Variants in PIK3C3 observed in about 807,000 individuals in gnomAD.
PIK3C3 encodes phosphatidylinositol 3-kinase catalytic subunit type 3.
Under a neutral mutation model 126.1 loss-of-function variants are expected in PIK3C3, and 95 were observed. That is an observed-to-expected ratio of 0.75 (90% confidence interval 0.64 to 0.89). The LOEUF (loss-of-function observed/expected upper bound fraction) is 0.89. PIK3C3 is among the 40% of genes least tolerant of loss of function. The pLI is 0.00. For missense variants in PIK3C3, 829 were observed against 1,063.2 expected (o/e 0.78, Z 3.06); for synonymous variants, 374 against 360.0 (o/e 1.04, Z -0.44).
intron 9 of PIK3C3, among the ~76,000 whole-genome samples, chr18:42,000,063 T>A (rs1982211323): frequency 6.6e-6 from 1 of 152,192 alleles, no homozygotes; most frequent in Admixed American, 6.5e-5. Context: ...CTTCTCTTTT[T>A]TTCTTTGGAG....
intron 9 of PIK3C3, among the ~76,000 whole-genome samples, chr18:42,000,949 A>G (rs947381143): frequency 1.3e-5 from 2 of 152,200 alleles, no homozygotes; most frequent in African/African-American, 4.8e-5. Flanking sequence ...ATATATCGCA[A>G]GTGGGAAGAA....
chr18:42,071,875 T>C (rs1823272761), intron 24 of PIK3C3, among the ~76,000 whole-genome samples: 1 of 152,184 alleles, frequency 6.6e-6, no homozygotes, highest in Non-Finnish European at 1.5e-5. Flanking sequence ...TCCTTAAATA[T>C]ATAATTTGTG....
intron 12 of PIK3C3, among the ~76,000 whole-genome samples, chr18:42,017,151 C>T (rs1035237144): frequency 3.9e-5 from 6 of 152,002 alleles, no homozygotes; most frequent in African/African-American, 1.4e-4. Flanking sequence ...CCCCTATTCC[C>T]ATAGAGTGTA....
intron 9 of PIK3C3, 100 bp downstream of exon 9, chr18:41,996,830 TAAAGA>T: frequency 1.5e-6 from 1 of 670,294 alleles, no homozygotes; most frequent in Non-Finnish European, 2.6e-6. Context: ...ATTGTCACTT[TAAAGA>T]AAAGTTACAG....
intron 21 of PIK3C3, among the ~76,000 whole-genome samples, chr18:42,051,915 G>A (rs1426770326): frequency 6.6e-6 from 1 of 151,704 alleles, no homozygotes; most frequent in African/African-American, 2.4e-5. Flanking sequence ...CATGGCACAT[G>A]TATACATATG....
At position 42,015,494 on chromosome 18, in the gene PIK3C3, C is replaced by T. The variant is rs139294855; in HGVS notation, c.1344C>T (p.Ser448=). The change falls in exon 12 of 25, where the codon AGC becomes AGT. Residue 448 remains serine (S), a synonymous_variant. Transcript: ENST00000262039. ...AEIDSSQIIT[S]PLPSVSSPPP... is the part of the protein sequence containing the mutation. Reference sequence around the variant, plus strand: ...TTTTCAGCTCCCAAATTATAACCAGCCCCCTTCCTTCAGTCTCTTCACCTC... The same window carrying T: ...TTTTCAGCTCCCAAATTATAACCAGTCCCCTTCCTTCAGTCTCTTCACCTC... The T allele has an allele frequency of 2.5e-6, 4 of 1,613,264 alleles. No individual in the cohort carries two copies. The highest frequency in any genetic ancestry group is 3.3e-5 in the Admixed American group (2 of 59,956).
At chr18:42,067,184 A>T (rs191511277) in intron 23 of PIK3C3, among the ~76,000 whole-genome samples, 1 of 152,300 alleles carries the variant, frequency 6.6e-6, no homozygotes, top group East Asian at 1.9e-4. Flanking sequence ...CAACAAGAAC[A>T]AGGTGATATA....
chr18:42,057,645 A>G (rs1985130733), intron 21 of PIK3C3: 2 of 440,144 alleles, frequency 4.5e-6, no homozygotes, highest in African/African-American at 2.1e-5. Flanking sequence ...TTAGATTACC[A>G]TTACTGTGAC....
intron 4 of PIK3C3, among the ~76,000 whole-genome samples, chr18:41,978,862 A>AC (rs1008203649): frequency 6.6e-6 from 1 of 151,746 alleles, no homozygotes; most frequent in East Asian, 1.9e-4. Context: ...ATTGAAACTT[A>AC]CCCCCCAGAA....
In PIK3C3 at chr18:42,043,805, G is replaced by T. The variant is rs141681761; in HGVS notation, c.2176G>T (p.Val726Phe). The part of the protein sequence containing the change: ...GISAEVMDTY[V>F]KSCAGYCVIT... The stretch of plus-strand genomic sequence containing the variant: ...TAGTGCTGAGGTCATGGACACTTAC[G>T]TTAAAAGCTGTGGTAAGTTTTTCAG... Residue 726 changes from valine to phenylalanine, a missense_variant, in exon 20 of 25, where the codon GTT (valine) becomes TTT (phenylalanine). By Grantham distance (50) the Val-to-Phe change is conservative. Transcript: ENST00000262039. 1 of 1,610,832 alleles carries T rather than the reference G, an allele frequency of 6.2e-7. No individual in the cohort carries two copies. Among genetic ancestry groups the T allele is most frequent in the South Asian group, 1.1e-5 (1 of 90,946 alleles).
intron 10 of PIK3C3, among the ~76,000 whole-genome samples, chr18:42,010,557 G>C (rs773423623): frequency 2.5e-4 from 38 of 152,080 alleles, no homozygotes; most frequent in African/African-American, 6.5e-4. Flanking sequence ...GTAGAGACAG[G>C]GTTTCGCCAT....
intron 13 of PIK3C3, among the ~76,000 whole-genome samples, chr18:42,022,130 C>G (rs915615658): frequency 6.6e-6 from 1 of 152,128 alleles, no homozygotes; most frequent in Non-Finnish European, 1.5e-5. Context: ...AATTGGAGCA[C>G]TCTTTTTCCT....
intron 24 of PIK3C3, among the ~76,000 whole-genome samples, chr18:42,068,371 T>C (rs189866050): frequency 8.3e-4 from 126 of 152,322 alleles, no homozygotes; most frequent in African/African-American, 2.7e-3. Flanking sequence ...ACTCTCTTTC[T>C]CTAAATATTT....
In PIK3C3 at chr18:41,990,442, A is replaced by G. The variant is rs1981718564; in HGVS notation, c.619-17A>G. ...TTGAAAATAATCATTTTTCATGAAA[A>G]TCATTTTTTTTTTCAGAGTGAAAAA... On this transcript the variant is annotated splice_polypyrimidine_tract_variant and intron_variant, in intron 5 of 24. Coordinates refer to ENST00000262039, the MANE Select transcript of PIK3C3 (RefSeq NM_002647.4). 1.4e-6 allele frequency: 2 copies of G among 1,401,274 alleles called. No homozygotes were observed. Among genetic ancestry groups the G allele is most frequent in the African/African-American group, 1.4e-5 (1 of 70,540 alleles). 86.8% of individuals were successfully genotyped at this position (1,401,274 alleles called of 1,614,324 possible).
In PIK3C3 at chr18:42,079,114, A is replaced by G. The variant is rs182837395; in HGVS notation, c.2650-2009A>G. ...ATGCGAGAGTCTTAACTTTTGGCCT[A>G]TCTGAGCTTTTGATATGCCTTTCTC... On this transcript the variant is annotated intron_variant, in intron 24 of 24. Coordinates refer to ENST00000262039, the MANE Select transcript of PIK3C3 (RefSeq NM_002647.4). 1.7e-3 allele frequency among the ~76,000 whole-genome samples: 263 copies of G among 152,324 alleles called. 1 individual carries two copies. The highest frequency in any genetic ancestry group is 2.4e-3 in the Non-Finnish European group (165 of 68,036).
intron 13 of PIK3C3, among the ~76,000 whole-genome samples, chr18:42,025,034 G>A (rs879109095): frequency 6.6e-6 from 1 of 151,284 alleles, no homozygotes; most frequent in Non-Finnish European, 1.5e-5. Context: ...GGATGGTCTC[G>A]ATCTCCTGAC....
At chr18:42,013,313 G>T (rs897379886) in intron 10 of PIK3C3, 129 bp from the exon 11 acceptor site, 5 of 599,038 alleles carry the variant, frequency 8.3e-6, no homozygotes, top group African/African-American at 2.0e-5. Context: ...TTGGTGACGT[G>T]CCAAAAGTAA....
chr18:42,041,115 G>T (rs1388614630), intron 19 of PIK3C3, among the ~76,000 whole-genome samples: 1 of 151,932 alleles, frequency 6.6e-6, no homozygotes, highest in Non-Finnish European at 1.5e-5. Context: ...CCGCGAGGTG[G>T]AGACTGCAGT....
intron 4 of PIK3C3, among the ~76,000 whole-genome samples, chr18:41,981,061 G>A (rs990584552): frequency 3.9e-5 from 6 of 152,086 alleles, no homozygotes; most frequent in Non-Finnish European, 5.9e-5. Flanking sequence ...ATAGGTTTTT[G>A]TATAAATATC....
Sources: allele counts gnomAD v4.1 joint callset (sites outside exome capture counted in the v4.1 genomes callset), GRCh38; gene constraint gnomAD v4.1.1; transcripts MANE v1.5; gene names NCBI Gene and HGNC (gene_info 2026-07-23, HGNC 2026-07-21).